The following SMAD6 variants were observed in gnomAD, a reference collection of about 807,000 sequenced individuals.
SMAD6 encodes SMAD family member 6, also known as MAD homolog 6.
Under a neutral mutation model 39.4 loss-of-function variants are expected in SMAD6, and 103 were observed. The ratio of observed to expected loss-of-function variants is 2.62; its 90% CI spans 2.23 to 3.08. SMAD6 has a LOEUF of 3.08. Ranked by LOEUF, SMAD6 falls within the 30% of genes most tolerant of loss-of-function variation. SMAD6 has a pLI of 0.00. For synonymous variants in SMAD6, 445 were observed against 353.3 expected (o/e 1.26, Z -2.91); for missense variants, 1,104 against 742.9 (o/e 1.49, Z -5.65).
At position 66,702,553 on chromosome 15, in the gene SMAD6, G is replaced by A. The variant is rs1374740697; in HGVS notation, c.-706G>A. ...AATTAAGGATTCCCAGCAGCTCTTT[G>A]GGATTTTTACAGCTTCCACTCATGT... On this transcript the variant is annotated 5_prime_UTR_variant, in exon 1 of 4. Coordinates refer to ENST00000288840, the MANE Select transcript of SMAD6 (RefSeq NM_005585.5). The A allele has an allele frequency of 1.3e-5, 2 of 152,584 alleles. No homozygotes were observed. Among genetic ancestry groups the A allele is most frequent in the East Asian group, 3.9e-4 (2 of 5,184 alleles). The allele number at this position is 152,584 out of a possible 1,614,324, so 9.5% of individuals were successfully genotyped here.
chr15:66,757,200 C>T (rs1437773073), intron 3 of SMAD6, among the ~76,000 whole-genome samples: 4 of 152,154 alleles, frequency 2.6e-5, no homozygotes, highest in Non-Finnish European at 5.9e-5. Context: ...CAGCAGACGT[C>T]CAGGGAACAA....
Position 66,702,639 on chromosome 15 carries a change from C to G in SMAD6, c.-620C>G, listed in dbSNP as rs1233342724. The G allele has an allele frequency of 6.6e-6, 1 of 152,528 alleles. No homozygotes were observed. Among genetic ancestry groups the G allele is most frequent in the African/African-American group, 2.4e-5 (1 of 41,446 alleles). The allele number at this position is 152,528 out of a possible 1,614,324, so 9.4% of individuals were successfully genotyped here. ...TGCATCTAGCGCCTGGGACCTGAGACGGCGTTGGCCTTTCGTGCATGCAAA... is the reference window on the plus strand; with the variant it reads ...TGCATCTAGCGCCTGGGACCTGAGAGGGCGTTGGCCTTTCGTGCATGCAAA... On this transcript the variant is annotated 5_prime_UTR_variant, in exon 1 of 4. Transcript: ENST00000288840.
chr15:66,768,483 C>A (rs773560376), intron 3 of SMAD6, among the ~76,000 whole-genome samples: 4 of 152,184 alleles, frequency 2.6e-5, no homozygotes, highest in Non-Finnish European at 4.4e-5. Flanking sequence ...ACTTAGCAAG[C>A]CAGAGAAATT....
Position 66,781,125 on chromosome 15 carries a change from C to T in SMAD6, c.1081C>T (p.Pro361Ser), listed in dbSNP as rs759055119. ...DQAVSIFYDL[P>S]QGSGFCLGQL... is the part of the protein sequence containing the mutation. ...GGCCGTCAGCATCTTCTACGACCTACCTCAGGGCAGCGGCTTCTGCCTGGG... is the reference window on the plus strand; with the variant it reads ...GGCCGTCAGCATCTTCTACGACCTATCTCAGGGCAGCGGCTTCTGCCTGGG... Residue 361 changes from proline to serine, a missense_variant, in exon 4 of 4, where the codon CCT becomes TCT. By Grantham distance (74) the Pro-to-Ser change is moderately conservative. Coordinates refer to ENST00000288840, the MANE Select transcript of SMAD6 (RefSeq NM_005585.5). The T allele has an allele frequency of 6.2e-7, 1 of 1,608,970 alleles. No individual in the cohort carries two copies. The highest frequency in any genetic ancestry group is 2.2e-5 in the East Asian group (1 of 44,862).
At chr15:66,704,143 CTG>C in intron 1 of SMAD6, 68 bp downstream of exon 1, 2 of 1,207,984 alleles carry the variant, frequency 1.7e-6, no homozygotes, top group South Asian at 2.0e-5. Flanking sequence ...GCCCTTCTCT[CTG>C]TGACACTGCG....
chr15:66,766,893 C>T (rs1200300803), intron 3 of SMAD6, among the ~76,000 whole-genome samples: 1 of 152,202 alleles, frequency 6.6e-6, no homozygotes, highest in East Asian at 1.9e-4. Context: ...GCATGCCCAT[C>T]TTCACTGAAA....
chr15:66,706,219 C>G (rs1893107564), intron 1 of SMAD6: 2 of 152,270 alleles, frequency 1.3e-5, no homozygotes, highest in African/African-American at 2.4e-5. Context: ...TGAGTTACCT[C>G]CCTTCTCAGC....
intron 1 of SMAD6, chr15:66,704,516 G>A (rs1028989553): frequency 6.3e-6 from 1 of 158,220 alleles, no homozygotes; most frequent in Non-Finnish European, 1.4e-5. Context: ...CTATGTCCAA[G>A]TAGCTGTAAG....
chr15:66,704,115 G>A (rs1196812743), intron 1 of SMAD6, 40 bp downstream of exon 1: 3 of 1,353,952 alleles, frequency 2.2e-6, no homozygotes, highest in Non-Finnish European at 1.9e-6. Flanking sequence ...CCGGGTCCCC[G>A]TCCCCATCCC....
chr15:66,715,625 T>C (rs532973467), intron 2 of SMAD6, among the ~76,000 whole-genome samples: 5 of 152,224 alleles, frequency 3.3e-5, no homozygotes, highest in Admixed American at 6.5e-5. Flanking sequence ...CAAGTCGGCC[T>C]GTCCCAAAAG....
rs1893013464 is a variant in SMAD6 at position 66,703,214 on chromosome 15, A to C, written c.-45A>C. The C allele has an allele frequency of 7.6e-7, 1 of 1,311,974 alleles. No homozygotes were observed. The highest frequency in any genetic ancestry group is 2.0e-5 in the South Asian group (1 of 49,836). The allele number at this position is 1,311,974 out of a possible 1,614,324, so 81.3% of individuals were successfully genotyped here. A position where few individuals can be genotyped will look rare whatever the true frequency, so the allele number is the denominator to read the frequency against. On this transcript the variant is annotated 5_prime_UTR_variant, in exon 1 of 4. It removes the in-frame stop codon of an upstream open reading frame in the 5' UTR. Transcript: ENST00000288840. ...TCGCTGAGGGAACGGACCCCCGGTA[A>C]CCGGAGACCGCCTCCCCCCCACCCC... is the stretch of plus-strand genomic sequence containing the variant.
At chr15:66,728,404 T>TG (rs34627106) in intron 3 of SMAD6, among the ~76,000 whole-genome samples, 1,789 of 152,130 alleles carry the variant, frequency 0.012, 12 homozygotes, top group Non-Finnish European at 0.017. Context: ...CCTTTTGTTT[T>TG]TTTTTTGTTT....
intron 2 of SMAD6, among the ~76,000 whole-genome samples, chr15:66,715,906 A>C (rs1473876027): frequency 6.6e-6 from 1 of 152,010 alleles, no homozygotes; most frequent in Non-Finnish European, 1.5e-5. Flanking sequence ...TTGAGCCCTT[A>C]ATTAGAGGGG....
At position 66,703,506 on chromosome 15, in the gene SMAD6, G is replaced by A. The variant is rs1893026891; in HGVS notation, c.248G>A (p.Arg83His). The A allele has an allele frequency of 8.2e-7, 1 of 1,225,116 alleles. No individual in the cohort carries two copies. The highest frequency in any genetic ancestry group is 3.3e-5 in the East Asian group (1 of 30,120). 75.9% of individuals were successfully genotyped at this position (1,225,116 alleles called of 1,614,324 possible). Residue 83 changes from arginine (R) to histidine (H), a missense_variant, in exon 1 of 4, where the codon CGC becomes CAC. Coordinates refer to ENST00000288840, the MANE Select transcript of SMAD6 (RefSeq NM_005585.5). ...GQRGAQGAGR[R>H]RRAGGPPRPM... ...CGAGGCGCCCAGGGCGCGGGGAGGC[G>A]CCGGCGCGCAGGGGGCCCCCCGAGG...
At chr15:66,707,593 A>G (rs972519411) in intron 1 of SMAD6, 2 of 152,236 alleles carry the variant, frequency 1.3e-5, no homozygotes, top group Non-Finnish European at 2.9e-5. Flanking sequence ...AAGGGGTGAT[A>G]ATGTGCAGTT....
chr15:66,704,008 C>A lies in SMAD6; in HGVS notation c.750C>A (p.Phe250Leu), dbSNP rs1164002736. 6.7e-7 allele frequency: 1 copy of A among 1,491,904 alleles called. No homozygotes were observed. Among genetic ancestry groups the A allele is most frequent in the South Asian group, 1.3e-5 (1 of 79,664 alleles). The allele number at this position is 1,491,904 out of a possible 1,614,324, so 92.4% of individuals were successfully genotyped here. A position where few individuals can be genotyped will look rare whatever the true frequency, so the allele number is the denominator to read the frequency against. ...AGCCCCTGTGCGGCTGCCACAGCTT[C>A]GCCGCCGCCGCCGACGGCCCTACCG... ...ELKPLCGCHS[F>L]AAAADGPTVC... The change falls in exon 1 of 4, where the codon TTC (phenylalanine) becomes TTA (leucine). Residue 250 changes from phenylalanine to leucine, a missense_variant. Transcript: ENST00000288840.
intron 3 of SMAD6, among the ~76,000 whole-genome samples, chr15:66,766,202 G>A (rs1490765484): frequency 6.6e-6 from 1 of 151,996 alleles, no homozygotes; most frequent in Non-Finnish European, 1.5e-5. Context: ...GGAGGTGGAA[G>A]GGATGGGGGG....
chr15:66,738,749 G>A (rs1347066487), intron 3 of SMAD6, among the ~76,000 whole-genome samples: 1 of 152,110 alleles, frequency 6.6e-6, no homozygotes, highest in African/African-American at 2.4e-5. Flanking sequence ...CTGTGTCGGG[G>A]GCCAGAGAGC....
Position 66,704,042 on chromosome 15 carries a change from A to C in SMAD6, c.784A>C (p.Asn262His), listed in dbSNP as rs1270534646. 1.3e-6 allele frequency: 2 copies of C among 1,511,110 alleles called. No individual in the cohort carries two copies. Among genetic ancestry groups the C allele is most frequent in the Non-Finnish European group, 1.8e-6 (2 of 1,138,954 alleles). The allele number at this position is 1,511,110 out of a possible 1,614,324, so 93.6% of individuals were successfully genotyped here. ...AAADGPTVCCNPYHFSRLCGP... is the reference protein window; with the variant it reads ...AAADGPTVCCHPYHFSRLCGP... ...CGCCGACGGCCCTACCGTGTGCTGC[A>C]ACCCCTACCACTTCAGCCGGCTCTG... Residue 262 changes from asparagine (N) to histidine (H), a missense_variant, in exon 1 of 4, where the codon AAC (asparagine) becomes CAC (histidine). By Grantham distance (68) the Asn-to-His change is moderately conservative (BLOSUM62 1). Coordinates refer to ENST00000288840, the MANE Select transcript of SMAD6 (RefSeq NM_005585.5).
Sources: gnomAD v4.1 joint callset for allele counts (sites outside exome capture counted in the v4.1 genomes callset) on GRCh38, gnomAD v4.1.1 for gene constraint, MANE v1.5 for transcripts, NCBI Gene and HGNC (gene_info 2026-07-23, HGNC 2026-07-21) for gene names.